The following TIAM1 variants were observed in gnomAD, a reference collection of about 807,000 sequenced individuals.
TIAM1 encodes the protein rho guanine nucleotide exchange factor TIAM1.
A neutral mutation model predicts 163.5 loss-of-function variants in TIAM1; 65 were observed. The ratio of observed to expected loss-of-function variants is 0.40; its 90% CI spans 0.33 to 0.49. The LOEUF is 0.49. TIAM1 is among the 20% of genes least tolerant of loss of function. The pLI is 0.77. For synonymous variants in TIAM1, 833 were observed against 810.1 expected (o/e 1.03, Z -0.48); for missense variants, 1,789 against 2,044.7 (o/e 0.87, Z 2.41).
chr21:31,546,615 AG>A (rs1459520421), intron 1 of TIAM1, among the ~76,000 whole-genome samples: 1 of 151,788 alleles, frequency 6.6e-6, no homozygotes, highest in Non-Finnish European at 1.5e-5. Flanking sequence ...AAAATGGAGA[AG>A]GGTGGGCCCA....
intron 4 of TIAM1, among the ~76,000 whole-genome samples, chr21:31,258,524 A>C (rs769465911): frequency 1.1e-4 from 16 of 152,186 alleles, no homozygotes; most frequent in Non-Finnish European, 2.1e-4. Flanking sequence ...CTTTTAAAAA[A>C]TTGAGGAAGT....
At chr21:31,343,158 C>T (rs555954043) in intron 1 of TIAM1, among the ~76,000 whole-genome samples, 36 of 152,156 alleles carry the variant, frequency 2.4e-4, no homozygotes, top group Non-Finnish European at 4.6e-4. Flanking sequence ...AAACCAGCTC[C>T]AGCTGCTGGT....
intron 15 of TIAM1, among the ~76,000 whole-genome samples, chr21:31,170,708 AAAGTCAAAAAATCATT>A (rs1186394663): frequency 6.6e-6 from 1 of 151,970 alleles, no homozygotes; most frequent in Admixed American, 6.6e-5. Context: ...AACCCATCAT[AAAGTCAAAAAATCATT>A]AAGTCAAATC....
chr21:31,217,137 G>C (rs759248661), intron 9 of TIAM1, among the ~76,000 whole-genome samples: 20 of 152,000 alleles, frequency 1.3e-4, no homozygotes, highest in Non-Finnish European at 2.4e-4. Flanking sequence ...AATCAGGGAG[G>C]TGGAGGTTGC....
chr21:31,282,593 T>G (rs1446919842), intron 2 of TIAM1, among the ~76,000 whole-genome samples: 1 of 152,222 alleles, frequency 6.6e-6, no homozygotes, highest in Non-Finnish European at 1.5e-5. Flanking sequence ...GGTGTGTCTG[T>G]CTGGCTTCTG....
At chr21:31,399,282 C>G (rs900771716) in intron 2 of TIAM1, among the ~76,000 whole-genome samples, 4 of 151,772 alleles carry the variant, frequency 2.6e-5, no homozygotes, top group Admixed American at 2.0e-4. Flanking sequence ...TGGATAAGTT[C>G]TCTCTTTAAA....
At chr21:31,129,686 T>C (rs1283279523) in intron 25 of TIAM1, among the ~76,000 whole-genome samples, 5 of 151,988 alleles carry the variant, frequency 3.3e-5, no homozygotes, top group Non-Finnish European at 7.4e-5. Context: ...TTAAAATCAA[T>C]GTAAAAAAGA....
At chr21:31,474,169 G>C (rs2147380364) in intron 1 of TIAM1, among the ~76,000 whole-genome samples, 1 of 152,274 alleles carries the variant, frequency 6.6e-6, no homozygotes, top group East Asian at 1.9e-4. Context: ...CCGTCTGTGA[G>C]GGATCCACCC....
intron 2 of TIAM1, among the ~76,000 whole-genome samples, chr21:31,337,948 G>A (rs533385096): frequency 6.6e-6 from 1 of 152,236 alleles, no homozygotes; most frequent in South Asian, 2.1e-4. Context: ...CTCTCTGTTG[G>A]AGGGTGCCCT....
chr21:31,141,111 C>G lies in TIAM1; in HGVS notation c.3774+7G>C. ...GACAGATGTCCTGAGAAGATGGGGA[C>G]CCTCACCTCTTTTTTCTCACCAGTC... On this transcript the variant is annotated splice_region_variant and intron_variant, in intron 22 of 27. Coordinates refer to ENST00000541036, the MANE Select transcript of TIAM1 (RefSeq NM_001353694.2). This position sits in a 1 kb window ranked among gnomAD's most constrained non-coding sequence, Gnocchi z 4.7. 2 of 1,603,750 alleles carry G rather than the reference C, an allele frequency of 1.2e-6. No homozygotes were observed. Among genetic ancestry groups the G allele is most frequent in the Non-Finnish European group, 1.7e-6 (2 of 1,172,186 alleles).
chr21:31,377,559 CT>C (rs1477638334), intron 2 of TIAM1, among the ~76,000 whole-genome samples: 1 of 152,200 alleles, frequency 6.6e-6, no homozygotes, highest in Non-Finnish European at 1.5e-5. Context: ...CATCACGCCT[CT>C]GACAGACACT....
chr21:31,494,296 CCTT>C (rs1306568637), intron 1 of TIAM1, among the ~76,000 whole-genome samples: 1 of 152,128 alleles, frequency 6.6e-6, no homozygotes, highest in Non-Finnish European at 1.5e-5. Context: ...CCTCTTGCCC[CCTT>C]CTTCTTCCAC....
chr21:31,513,427 G>A (rs779434241), intron 1 of TIAM1, among the ~76,000 whole-genome samples: 6 of 152,074 alleles, frequency 3.9e-5, no homozygotes, highest in Non-Finnish European at 8.8e-5. Context: ...GCTATTAAGC[G>A]AACTTCCTCT....
chr21:31,452,856 G>A, intron 2 of TIAM1: 2 of 522,560 alleles, frequency 3.8e-6, no homozygotes, highest in East Asian at 5.5e-5. Flanking sequence ...AGACTATCAA[G>A]ACCTGGAAAA....
At chr21:31,192,001 A>G (rs1244624453) in intron 13 of TIAM1, among the ~76,000 whole-genome samples, 1 of 152,224 alleles carries the variant, frequency 6.6e-6, no homozygotes, top group Non-Finnish European at 1.5e-5. Context: ...TGGAGGATCC[A>G]GGCACTTCAC....
At chr21:31,160,479 T>C (rs889449153) in intron 16 of TIAM1, 1 of 398,648 alleles carries the variant, frequency 2.5e-6, no homozygotes, top group Admixed American at 4.4e-5. Context: ...GTCACCGGAC[T>C]TGTCATTGTT....
At chr21:31,358,860 A>T (rs1350778313) in intron 2 of TIAM1, among the ~76,000 whole-genome samples, 1 of 152,154 alleles carries the variant, frequency 6.6e-6, no homozygotes, top group Non-Finnish European at 1.5e-5. Context: ...CCTCCGCTCA[A>T]GGGGTAAAAG....
rs1569115829 is a variant in TIAM1, at chr21:31,256,627, ACG to A, written c.964-4440_964-4439del. Reference sequence around the variant, plus strand: ...CACACACACACACACACACACACACACGTATATTATCTTTGGCTCTCAGTATT... The same window carrying A: ...CACACACACACACACACACACACACATATATTATCTTTGGCTCTCAGTATT... On this transcript the variant is annotated intron_variant, in intron 4 of 27. Transcript: ENST00000541036. Among the ~76,000 whole-genome samples, 254 of 150,292 alleles carry A rather than the reference ACG, an allele frequency of 1.7e-3. 2 individuals are homozygous for A. The highest frequency in any genetic ancestry group is 6.0e-3 in the African/African-American group (243 of 40,358).
At chr21:31,254,513 G>A (rs2071987048) in intron 4 of TIAM1, among the ~76,000 whole-genome samples, 1 of 152,184 alleles carries the variant, frequency 6.6e-6, no homozygotes. Flanking sequence ...GGGCAACAAG[G>A]TGAAACCCCA....
Sources: allele counts gnomAD v4.1 joint callset (sites outside exome capture counted in the v4.1 genomes callset), GRCh38; gene constraint gnomAD v4.1.1; non-coding constraint Gnocchi (gnomAD v3.1); transcripts MANE v1.5; gene names NCBI Gene and HGNC (gene_info 2026-07-23, HGNC 2026-07-21).